Variants in RGSL1 observed in about 807,000 individuals in gnomAD.
The protein encoded by RGSL1 is regulator of G protein signaling protein-like.
RGSL1 carries 97 observed loss-of-function variants against 124.7 expected under a neutral mutation model. The ratio of observed to expected loss-of-function variants is 0.78; its 90% confidence interval spans 0.66 to 0.92. The LOEUF (loss-of-function observed/expected upper bound fraction) is 0.92. Among genes scored for constraint, RGSL1 ranks in the 40% least tolerant of loss-of-function variants. The probability of loss-of-function intolerance (pLI) is 0.00; values close to 1 mark genes in which losing one functional copy is unlikely to be tolerated. For synonymous variants in RGSL1, 424 were observed against 438.1 expected (o/e 0.97, Z 0.40); for missense variants, 1,233 against 1,288.4 (o/e 0.96, Z 0.66).
intron 10 of RGSL1, among the ~76,000 whole-genome samples, chr1:182,522,661 G>C (rs762861564): frequency 1.3e-5 from 2 of 152,048 alleles, no homozygotes; most frequent in Non-Finnish European, 2.9e-5. Flanking sequence ...ATGTACCTTA[G>C]CATAAGTGCC....
intron 4 of RGSL1, among the ~76,000 whole-genome samples, chr1:182,469,267 G>C (rs1268915915): frequency 6.6e-6 from 1 of 152,076 alleles, no homozygotes; most frequent in East Asian, 1.9e-4. Flanking sequence ...ATATATCTGA[G>C]AAAGGATTGA....
chr1:182,488,725 C>CA (rs561296385), intron 7 of RGSL1: 11,093 of 102,250 alleles, frequency 0.11, 304 homozygotes, highest in South Asian at 0.12. Context: ...GACTCCGTCT[C>CA]AAAAAAAAAA....
At chr1:182,483,932 G>A (rs919493640) in intron 6 of RGSL1, among the ~76,000 whole-genome samples, 17 of 152,042 alleles carry the variant, frequency 1.1e-4, no homozygotes, top group East Asian at 9.7e-4. Context: ...CTGGAGGTTC[G>A]GGCCCACAGA....
chr1:182,544,064 T>G (rs576889450), intron 15 of RGSL1, among the ~76,000 whole-genome samples: 1 of 152,210 alleles, frequency 6.6e-6, no homozygotes, highest in South Asian at 2.1e-4. Context: ...TTGTTCTTGT[T>G]TTTTAGTTCC....
intron 21 of RGSL1, among the ~76,000 whole-genome samples, chr1:182,557,187 G>A (rs1005167903): frequency 6.6e-6 from 1 of 152,198 alleles, no homozygotes; most frequent in Non-Finnish European, 1.5e-5. Context: ...GCCCCTGGGA[G>A]AAGGCCCAGC....
chr1:182,525,862 G>A (rs56169847), intron 10 of RGSL1, among the ~76,000 whole-genome samples: 131,164 of 151,788 alleles, frequency 0.86, 56,984 homozygotes, highest in Non-Finnish European at 0.89. Flanking sequence ...ATTGACCACG[G>A]GGAAAAAAGA....
At chr1:182,481,419 A>G (rs915214910) in intron 6 of RGSL1, among the ~76,000 whole-genome samples, 1 of 152,204 alleles carries the variant, frequency 6.6e-6, no homozygotes, top group Admixed American at 6.5e-5. Flanking sequence ...GAACAGACCA[A>G]TAACAGTAAA....
At chr1:182,559,081 T>A (rs1661024688) in intron 21 of RGSL1, among the ~76,000 whole-genome samples, 1 of 152,200 alleles carries the variant, frequency 6.6e-6, no homozygotes, top group African/African-American at 2.4e-5. Flanking sequence ...GCTCTGACTA[T>A]TCTTTCTGAT....
chr1:182,464,422 A>T (rs922337274), intron 4 of RGSL1, among the ~76,000 whole-genome samples: 1 of 152,182 alleles, frequency 6.6e-6, no homozygotes, highest in Non-Finnish European at 1.5e-5. Context: ...AGTTAAGTGG[A>T]TTAAGAAAAA....
chr1:182,508,451 C>T (rs1558335655), intron 9 of RGSL1, among the ~76,000 whole-genome samples: 1 of 151,458 alleles, frequency 6.6e-6, no homozygotes, highest in Admixed American at 6.6e-5. Flanking sequence ...AGGTGCCTGC[C>T]ACCACACCCA....
At chr1:182,541,173 T>C (rs1023334781) in intron 15 of RGSL1, among the ~76,000 whole-genome samples, 8 of 152,160 alleles carry the variant, frequency 5.3e-5, no homozygotes, top group African/African-American at 1.4e-4. Context: ...ACTGAGCCAT[T>C]GCACACTAGG....
chr1:182,467,566 T>G (rs996209754), intron 4 of RGSL1, among the ~76,000 whole-genome samples: 4 of 152,218 alleles, frequency 2.6e-5, no homozygotes, highest in Non-Finnish European at 1.5e-5. Context: ...GCTAGCCATA[T>G]GCAGAAAGCT....
intron 8 of RGSL1, among the ~76,000 whole-genome samples, chr1:182,491,179 T>C (rs78068846): frequency 1.3e-5 from 2 of 151,836 alleles, no homozygotes; most frequent in East Asian, 3.9e-4. Context: ...TGAGTGACCA[T>C]GCCTAGCCTA....
At chr1:182,544,055 T>C (rs1660056610) in intron 15 of RGSL1, among the ~76,000 whole-genome samples, 1 of 152,058 alleles carries the variant, frequency 6.6e-6, no homozygotes, top group South Asian at 2.1e-4. Flanking sequence ...GGGTTTGGTT[T>C]GTTCTTGTTT....
intron 11 of RGSL1, 64 bp from the exon 12 acceptor site, chr1:182,530,180 C>A (rs1659060362): frequency 1.0e-5 from 13 of 1,245,320 alleles, no homozygotes; most frequent in East Asian, 2.6e-5. Flanking sequence ...AAACAAAAAA[C>A]CACCAGCTAT....
At chr1:182,555,048 G>A (rs1410365697) in intron 20 of RGSL1, 3 of 244,876 alleles carry the variant, frequency 1.2e-5, no homozygotes, top group Non-Finnish European at 2.4e-5. Context: ...TATATTGGGA[G>A]GTAGTGAAGT....
intron 9 of RGSL1, among the ~76,000 whole-genome samples, chr1:182,506,214 G>T (rs540983256): frequency 1.3e-5 from 2 of 152,246 alleles, no homozygotes; most frequent in South Asian, 4.1e-4. Flanking sequence ...AGTTGTTTGT[G>T]ATACTCTCAT....
intron 19 of RGSL1, among the ~76,000 whole-genome samples, chr1:182,553,767 G>T (rs1454337526): frequency 6.6e-6 from 1 of 152,108 alleles, no homozygotes. Context: ...AAATAATCCT[G>T]TCTTCTTGGT....
In RGSL1 at chr1:182,450,174, T is replaced by C; in HGVS notation, c.9T>C (p.Ser3=). The C allele has an allele frequency of 6.4e-7, 1 of 1,552,122 alleles. No homozygotes were observed. Among genetic ancestry groups the C allele is most frequent in the Non-Finnish European group, 8.7e-7 (1 of 1,147,064 alleles). The change falls in exon 1 of 22, where the codon AGT becomes AGC. Residue 3 remains serine (S), a synonymous_variant. Transcript: ENST00000294854. ...AGGAAGAGCATGGCAACATGAGCAG[T>C]GCTGGTGAGTCTCTGCCAGGGATGT... The part of the protein sequence containing the change: MS[S]AEIIGSTNLI...
Sources: gnomAD v4.1 joint callset for allele counts (sites outside exome capture counted in the v4.1 genomes callset) on GRCh38, gnomAD v4.1.1 for gene constraint, MANE v1.5 for transcripts, NCBI Gene and HGNC (gene_info 2026-07-23, HGNC 2026-07-21) for gene names.